Variants in NEK1 observed in about 807,000 individuals in gnomAD.
The protein encoded by NEK1 is serine/threonine-protein kinase Nek1.
Under a neutral mutation model 182.1 loss-of-function variants are expected in NEK1, and 137 were observed. The observed-to-expected ratio is 0.75, with a 90% CI of 0.65 to 0.87. The LOEUF (loss-of-function observed/expected upper bound fraction) is 0.87. Ranked by LOEUF, NEK1 falls within the 40% of genes least tolerant of loss-of-function variation. The probability of loss-of-function intolerance (pLI) is 0.00; values close to 1 mark genes in which losing one functional copy is unlikely to be tolerated. For missense variants in NEK1, 1,391 were observed against 1,494.4 expected (o/e 0.93, Z 1.14); for synonymous variants, 513 against 492.2 (o/e 1.04, Z -0.56).
intron 31 of NEK1, among the ~76,000 whole-genome samples, chr4:169,420,242 C>T (rs1735259969): frequency 6.6e-6 from 1 of 152,192 alleles, no homozygotes; most frequent in African/African-American, 2.4e-5. Context: ...ATGAAGCTGT[C>T]ATCTCCTGTG....
At chr4:169,610,352 C>T (rs980369249) in intron 2 of NEK1, among the ~76,000 whole-genome samples, 6 of 151,612 alleles carry the variant, frequency 4.0e-5, no homozygotes, top group African/African-American at 1.5e-4. Context: ...CTCACTCAGT[C>T]GCCCAGGCTA....
intron 2 of NEK1, 29 bp from the exon 3 acceptor site, chr4:169,602,707 A>T: frequency 2.6e-6 from 2 of 775,832 alleles, no homozygotes. Context: ...CATTTATAAC[A>T]TGAGATAAAA....
At chr4:169,445,364 A>G (rs984245953) in intron 27 of NEK1, among the ~76,000 whole-genome samples, 1 of 152,156 alleles carries the variant, frequency 6.6e-6, no homozygotes, top group Non-Finnish European at 1.5e-5. Context: ...GTTTAAGGTT[A>G]TAGCAAGCTA....
At chr4:169,500,348 C>T (rs1212225572) in intron 23 of NEK1, among the ~76,000 whole-genome samples, 2 of 152,210 alleles carry the variant, frequency 1.3e-5, no homozygotes, top group Non-Finnish European at 2.9e-5. Context: ...TTGCACTTCT[C>T]GGGTAAGGTG....
In NEK1 at chr4:169,585,514, C is replaced by T. The variant is rs369725706; in HGVS notation, c.642G>A (p.Lys214=). ...EAGSMKNLVL[K]IISGSFPPVS... is the part of the protein sequence containing the mutation. ...CAGGTGGAAAAGATCCAGATATTAT[C>T]TTCAGTACCAGGTTTTTCATACTGC... Residue 214 remains lysine (K), a synonymous_variant, in exon 10 of 36, where the codon AAG becomes AAA. Transcript: ENST00000507142. 248 of 1,613,224 alleles carry T rather than the reference C, an allele frequency of 1.5e-4. No individual in the cohort carries two copies. Among genetic ancestry groups the T allele is most frequent in the Non-Finnish European group, 2.0e-4 (237 of 1,179,554 alleles).
intron 18 of NEK1, among the ~76,000 whole-genome samples, chr4:169,543,054 T>A (rs149798344): frequency 0.024 from 3,602 of 152,280 alleles, 110 homozygotes; most frequent in South Asian, 0.066. Context: ...AGTCATGAAG[T>A]CTTTGACCAT....
At chr4:169,399,491 C>A (rs1296913631) in intron 35 of NEK1, among the ~76,000 whole-genome samples, 1 of 151,906 alleles carries the variant, frequency 6.6e-6, no homozygotes, top group African/African-American at 2.4e-5. Context: ...GCAGGAGAAT[C>A]ACTTGAGCCC....
At chr4:169,586,973 T>C (rs1767645345) in intron 9 of NEK1, among the ~76,000 whole-genome samples, 1 of 152,074 alleles carries the variant, frequency 6.6e-6, no homozygotes, top group Non-Finnish European at 1.5e-5. Context: ...CAATATTGTT[T>C]AATCAGTGGG....
intron 22 of NEK1, 114 bp downstream of exon 22, chr4:169,507,601 G>A: frequency 1.7e-6 from 1 of 580,080 alleles, no homozygotes; most frequent in Non-Finnish European, 2.8e-6. Flanking sequence ...AAAGATGAAA[G>A]AAAAATTAAA....
chr4:169,551,199 T>G (rs1761374291), intron 18 of NEK1, among the ~76,000 whole-genome samples: 1 of 152,220 alleles, frequency 6.6e-6, no homozygotes, highest in African/African-American at 2.4e-5. Flanking sequence ...AAAAAAAACT[T>G]CTTTAGCTCC....
intron 28 of NEK1, 135 bp from the exon 29 acceptor site, chr4:169,433,800 C>G: frequency 1.2e-6 from 1 of 825,170 alleles, no homozygotes. Flanking sequence ...TAAGTATTCT[C>G]TCTATAGGGT....
chr4:169,536,888 G>A (rs1190218581), intron 19 of NEK1, among the ~76,000 whole-genome samples: 2 of 152,108 alleles, frequency 1.3e-5, no homozygotes, highest in East Asian at 1.9e-4. Flanking sequence ...AATTCCGGAT[G>A]TAGAAAAACA....
rs58933123 is a variant in NEK1 at position 169,480,510 on chromosome 4, TAAAA to T, written c.2008-980_2008-977del. The stretch of plus-strand genomic sequence containing the variant: ...CACACCTTAATAAACACCTCATTCC[TAAAA>T]AAAAAAAAAAAAAAAAGCTAATGAT... On this transcript the variant is annotated intron_variant, in intron 23 of 35. Transcript: ENST00000507142. 4.0e-5 allele frequency among the ~76,000 whole-genome samples: 4 copies of T among 100,276 alleles called. No individual in the cohort carries two copies. In the East Asian group the frequency reaches 9.8e-4, roughly 25 times the overall value. 65.8% of individuals were successfully genotyped at this position (100,276 alleles called of 152,430 possible).
chr4:169,440,345 T>G (rs1739210692), intron 27 of NEK1, among the ~76,000 whole-genome samples: 1 of 152,078 alleles, frequency 6.6e-6, no homozygotes, highest in Non-Finnish European at 1.5e-5. Context: ...GTAAAAAATT[T>G]TTTTAAAGGG....
intron 22 of NEK1, 42 bp downstream of exon 22, chr4:169,507,673 T>C (rs1346989551): frequency 1.5e-5 from 22 of 1,455,854 alleles, no homozygotes; most frequent in Non-Finnish European, 2.0e-5. Context: ...ATCTCAGCTT[T>C]CAATTTTCTC....
chr4:169,442,919 C>A lies in NEK1; in HGVS notation c.2588-4660G>T, dbSNP rs777827486. Among the ~76,000 whole-genome samples, 41 of 152,058 alleles carry A rather than the reference C, an allele frequency of 2.7e-4. 1 individual carries two copies. Among genetic ancestry groups the A allele is most frequent in the Non-Finnish European group, 7.4e-5 (5 of 67,970 alleles). Reference sequence around the variant, plus strand: ...CAGGTGTGGTGGCATGTGCCTATAGCCATAGCTAGTCTGGAAGATAAGGTG... The same window carrying A: ...CAGGTGTGGTGGCATGTGCCTATAGACATAGCTAGTCTGGAAGATAAGGTG... On this transcript the variant is annotated intron_variant, in intron 27 of 35. Coordinates refer to ENST00000507142, the MANE Select transcript of NEK1 (RefSeq NM_001199397.3).
intron 28 of NEK1, among the ~76,000 whole-genome samples, chr4:169,434,098 TC>T (rs151323902): frequency 0.012 from 1,839 of 151,878 alleles, 32 homozygotes; most frequent in African/African-American, 0.042. Context: ...TCAAAATCTA[TC>T]TTTTAATAGT....
chr4:169,565,917 T>C (rs1242846874), intron 12 of NEK1, among the ~76,000 whole-genome samples: 1 of 152,194 alleles, frequency 6.6e-6, no homozygotes, highest in African/African-American at 2.4e-5. Flanking sequence ...CATAAAACCA[T>C]TTAATTGAAA....
chr4:169,569,421 TCTCTCCCTCTCC>T (rs1183407982), intron 12 of NEK1, among the ~76,000 whole-genome samples: 2 of 150,584 alleles, frequency 1.3e-5, no homozygotes, highest in Admixed American at 6.6e-5. Flanking sequence ...GAATAAAAGC[TCTCTCCCTCTCC>T]CTCTCCCTCT....
Sources: gnomAD v4.1 joint callset for allele counts (sites outside exome capture counted in the v4.1 genomes callset) on GRCh38, gnomAD v4.1.1 for gene constraint, MANE v1.5 for transcripts, NCBI Gene and HGNC (gene_info 2026-07-23, HGNC 2026-07-21) for gene names.